TNRC6C: variants seen among roughly 807,000 people sequenced by gnomAD.
TNRC6C encodes trinucleotide repeat-containing gene 6C protein.
A neutral mutation model predicts 153.7 loss-of-function variants in TNRC6C; 20 were observed. The observed-to-expected ratio is 0.13, with a 90% CI of 0.09 to 0.19. The LOEUF (loss-of-function observed/expected upper bound fraction) is 0.19. TNRC6C is among the 10% of genes least tolerant of loss of function. TNRC6C has a pLI of 1.00. For missense variants in TNRC6C, 1,987 were observed against 2,172.0 expected (o/e 0.91, Z 1.69); for synonymous variants, 811 against 841.4 (o/e 0.96, Z 0.63).
At chr17:78,107,057 C>T (rs2073710314) in exon 20 of TNRC6C, 1 of 152,068 alleles carries the variant, frequency 6.6e-6, no homozygotes, top group Non-Finnish European at 1.5e-5. Context: ...TACATGCGTT[C>T]TATATATTCG....
At chr17:78,055,717 G>A (rs2072640245) in intron 3 of TNRC6C, among the ~76,000 whole-genome samples, 1 of 152,160 alleles carries the variant, frequency 6.6e-6, no homozygotes, top group Non-Finnish European at 1.5e-5. Flanking sequence ...CCCTATGCCT[G>A]GCACTGGAGT....
intron 17 of TNRC6C, among the ~76,000 whole-genome samples, chr17:78,100,075 A>G (rs1320904337): frequency 6.6e-6 from 1 of 152,194 alleles, no homozygotes; most frequent in Admixed American, 6.5e-5. Context: ...GTTGGTTACC[A>G]TGGTCTTGGG....
chr17:78,041,160 G>A (rs2072285955), intron 2 of TNRC6C: 1 of 152,290 alleles, frequency 6.6e-6, no homozygotes, highest in Non-Finnish European at 1.5e-5. Flanking sequence ...AGGAGAAACG[G>A]AACAAACACG....
chr17:78,049,696 G>T lies in TNRC6C; in HGVS notation c.634G>T (p.Val212Phe). ...TGGACTGCCAAACTGGGGCATGGCTGTTGGTATGGGGGCCATCATCCCGCC... is the reference window on the plus strand; with the variant it reads ...TGGACTGCCAAACTGGGGCATGGCTTTTGGTATGGGGGCCATCATCCCGCC... The change falls in exon 3 of 20, where the codon GTT becomes TTT. Residue 212 changes from valine (V) to phenylalanine (F), a missense_variant. Transcript: ENST00000301624. This position sits in a 1 kb window ranked among gnomAD's most constrained non-coding sequence, Gnocchi z 4.1. 1 of 1,607,250 alleles carries T rather than the reference G, an allele frequency of 6.2e-7. No individual in the cohort carries two copies. Among genetic ancestry groups the T allele is most frequent in the Non-Finnish European group, 8.5e-7 (1 of 1,175,266 alleles).
rs1348879992 is a variant in TNRC6C at position 77,992,916 on chromosome 17, T to C, written c.-37-11254T>C. Among the ~76,000 whole-genome samples the C allele has an allele frequency of 3.9e-5, 6 of 152,202 alleles. No individual in the cohort carries two copies. In the South Asian group the frequency reaches 8.3e-4, roughly 21 times the overall value. On this transcript the variant is annotated intron_variant, in intron 1 of 22. Transcript: ENST00000636222. ...CTCTGAGTACGTGTTAATCCATTAG[T>C]AGATGTGGTTCCATTAAAGTCTTGG...
chr17:78,023,251 C>T (rs1179548407), intron 1 of TNRC6C, among the ~76,000 whole-genome samples: 1 of 152,210 alleles, frequency 6.6e-6, no homozygotes, highest in Admixed American at 6.5e-5. Flanking sequence ...AAGGGGGTTT[C>T]TGGAACCAGT....
chr17:77,962,487 A>T (rs771439487), intron 1 of TNRC6C, among the ~76,000 whole-genome samples: 1 of 152,246 alleles, frequency 6.6e-6, no homozygotes, highest in Non-Finnish European at 1.5e-5. Flanking sequence ...GCAAGCAAAG[A>T]TTACCAAGAG....
At chr17:77,976,478 C>T (rs573953663) in intron 1 of TNRC6C, among the ~76,000 whole-genome samples, 11 of 152,226 alleles carry the variant, frequency 7.2e-5, no homozygotes, top group African/African-American at 2.6e-4. Context: ...ACACAGTAGC[C>T]CCAGTTAGGG....
intron 7 of TNRC6C, among the ~76,000 whole-genome samples, chr17:78,074,721 G>A (rs537536529): frequency 3.2e-4 from 49 of 152,328 alleles, no homozygotes; most frequent in African/African-American, 8.2e-4. Flanking sequence ...CAGAATAATC[G>A]GGAAGGCCCC....
intron 1 of TNRC6C, among the ~76,000 whole-genome samples, chr17:77,971,458 C>A (rs955382381): frequency 1.3e-5 from 2 of 152,194 alleles, no homozygotes; most frequent in Non-Finnish European, 2.9e-5. Flanking sequence ...CCAACCTAGA[C>A]TGCTCCCCAG....
chr17:77,972,324 C>T (rs1381157242), intron 1 of TNRC6C, among the ~76,000 whole-genome samples: 1 of 152,002 alleles, frequency 6.6e-6, no homozygotes, highest in Non-Finnish European at 1.5e-5. Flanking sequence ...ACCAGCCTGG[C>T]CAACATGGTG....
chr17:78,050,192 C>T, exon 3 of TNRC6C: 1 of 1,547,026 alleles, frequency 6.5e-7, no homozygotes. Context: ...ACCGTACAGC[C>T]TGGTGGTGAA....
At chr17:77,989,603 A>G (rs564724385) in intron 1 of TNRC6C, among the ~76,000 whole-genome samples, 4 of 152,314 alleles carry the variant, frequency 2.6e-5, no homozygotes, top group African/African-American at 9.6e-5. Context: ...AACTGAAATT[A>G]CTTTGTTTAT....
intron 1 of TNRC6C, among the ~76,000 whole-genome samples, chr17:77,961,397 C>G (rs987557446): frequency 8.5e-5 from 13 of 152,192 alleles, no homozygotes; most frequent in Non-Finnish European, 1.6e-4. Flanking sequence ...TTCAGGTGAT[C>G]CGCCTGTCTC....
chr17:78,049,646 A>C lies in TNRC6C; in HGVS notation c.584A>C (p.Asn195Thr), dbSNP rs369955761. Residue 195 changes from asparagine to threonine, a missense_variant, in exon 3 of 20, where the codon AAC becomes ACC. Around this residue, in one of 4 missense-constraint regions of TNRC6C, gnomAD observed 1,052 missense variants for 1,017.0 expected, o/e 1.03. Coordinates refer to ENST00000301624, the Ensembl canonical transcript of TNRC6C. The surrounding 1 kb of genome is among the most constrained non-coding windows in gnomAD (Gnocchi z 4.1). ...ACTAACCCCATGAACTCTTCACCCA[A>C]CCCTATCAATGCAATGCAGACAAAT... is the stretch of plus-strand genomic sequence containing the variant. The C allele has an allele frequency of 5.0e-6, 8 of 1,613,792 alleles. No individual in the cohort carries two copies. The highest frequency in any genetic ancestry group is 4.2e-6 in the Non-Finnish European group (5 of 1,179,800).
intron 3 of TNRC6C, among the ~76,000 whole-genome samples, chr17:78,052,701 G>A (rs2072562016): frequency 6.6e-6 from 1 of 152,038 alleles, no homozygotes; most frequent in African/African-American, 2.4e-5. Context: ...CTGCCCTACA[G>A]GACCTCCCCT....
At chr17:78,014,335 G>C (rs1351062763) in intron 1 of TNRC6C, among the ~76,000 whole-genome samples, 1 of 152,146 alleles carries the variant, frequency 6.6e-6, no homozygotes, top group Non-Finnish European at 1.5e-5. Flanking sequence ...CACTTGGAGA[G>C]AGTTATGATC....
intron 1 of TNRC6C, among the ~76,000 whole-genome samples, chr17:77,995,404 G>A (rs1199744122): frequency 6.6e-6 from 1 of 152,186 alleles, no homozygotes; most frequent in Non-Finnish European, 1.5e-5. Flanking sequence ...TACTGAAAAA[G>A]CTGAACATCA....
intron 1 of TNRC6C, among the ~76,000 whole-genome samples, chr17:77,987,114 G>A (rs1234575692): frequency 6.6e-6 from 1 of 152,124 alleles, no homozygotes; most frequent in Non-Finnish European, 1.5e-5. Context: ...CATGATTAAA[G>A]GTTAATGTAT....
Sources: gnomAD v4.1 joint callset for allele counts (sites outside exome capture counted in the v4.1 genomes callset) on GRCh38, gnomAD v4.1.1 for gene constraint, gnomAD v4.1.1 regional missense constraint, Gnocchi (gnomAD v3.1) non-coding constraint, MANE v1.5 for transcripts, NCBI Gene and HGNC (gene_info 2026-07-23, HGNC 2026-07-21) for gene names.